Variants in ARL13B observed in about 807,000 individuals in gnomAD.
The protein encoded by ARL13B is ARF like GTPase 13B.
In ARL13B, 36 loss-of-function variants were observed where a neutral mutation model predicts 56.1. That is an observed-to-expected ratio of 0.64 (90% confidence interval 0.49 to 0.85). ARL13B has a LOEUF of 0.85. Ranked by LOEUF, ARL13B falls within the 40% of genes least tolerant of loss-of-function variation. ARL13B has a pLI of 0.00. For synonymous variants in ARL13B, 178 were observed against 171.1 expected (o/e 1.04, Z -0.32); for missense variants, 519 against 507.1 (o/e 1.02, Z -0.23).
rs968723805 is a variant in ARL13B, at chr3:94,055,369, A to C, written c.*2106A>C. The C allele has an allele frequency of 9.1e-6, 4 of 441,698 alleles. No homozygotes were observed. Among genetic ancestry groups the C allele is most frequent in the African/African-American group, 8.1e-5 (4 of 49,618 alleles). The allele number at this position is 441,698 out of a possible 1,614,324, so 27.4% of individuals were successfully genotyped here. A position where few individuals can be genotyped will look rare whatever the true frequency, so the allele number is the denominator to read the frequency against. ...GATTTTAAAATATGATTATTGAAAAACAGTTTAAATCAGTAGATTAAAATA... is the reference window on the plus strand; with the variant it reads ...GATTTTAAAATATGATTATTGAAAACCAGTTTAAATCAGTAGATTAAAATA... On this transcript the variant is annotated 3_prime_UTR_variant, in exon 10 of 10. Coordinates refer to ENST00000394222, the MANE Select transcript of ARL13B (RefSeq NM_001174150.2).
intron 3 of ARL13B, chr3:94,028,530 G>A (rs2076603826): frequency 6.6e-6 from 1 of 152,206 alleles, no homozygotes; most frequent in African/African-American, 2.4e-5. Context: ...TAATTTGAAA[G>A]CCAAATAATG....
chr3:94,027,192 C>A (rs1318650414), intron 3 of ARL13B, among the ~76,000 whole-genome samples: 1 of 151,914 alleles, frequency 6.6e-6, no homozygotes, highest in African/African-American at 2.4e-5. Flanking sequence ...TATATGAAGT[C>A]AACTTGCCAC....
intron 3 of ARL13B, among the ~76,000 whole-genome samples, chr3:94,026,014 A>G (rs1241787133): frequency 6.6e-6 from 1 of 151,276 alleles, no homozygotes; most frequent in Non-Finnish European, 1.5e-5. Flanking sequence ...GGCACCTGAA[A>G]ACTTCTCTTT....
At chr3:94,051,093 G>T (rs1011524248) in intron 9 of ARL13B, among the ~76,000 whole-genome samples, 5 of 151,026 alleles carry the variant, frequency 3.3e-5, no homozygotes, top group Non-Finnish European at 4.4e-5. Flanking sequence ...ATTTAATTTG[G>T]TGTTTACCTT....
rs1301531571 is a variant in ARL13B, at chr3:93,990,028, G to A, written c.60-5846G>A. On this transcript the variant is annotated intron_variant, in intron 1 of 9. Coordinates refer to ENST00000394222, the MANE Select transcript of ARL13B (RefSeq NM_001174150.2). ...TGTTTTGTTTTGTTTTGTTTGAGAC[G>A]AAGTCTCCCTCTGTCGCCCAGGCTG... 9.2e-5 allele frequency among the ~76,000 whole-genome samples: 14 copies of A among 151,676 alleles called. No individual in the cohort carries two copies. In the East Asian group the frequency reaches 1.4e-3, roughly 15 times the overall value.
rs1224464123 is a variant in ARL13B, at chr3:93,995,923, A to T, written c.109A>T (p.Thr37Ser). The T allele has an allele frequency of 2.5e-6, 4 of 1,613,488 alleles. No homozygotes were observed. Residue 37 changes from threonine to serine, a missense_variant, in exon 2 of 10, where the codon ACA becomes TCA. Coordinates refer to ENST00000394222, the MANE Select transcript of ARL13B (RefSeq NM_001174150.2). ...VGLDNAGKTA[T>S]AKGIQGEYPE... is the part of the protein sequence containing the mutation. ...ACTTGATAATGCTGGTAAAACCGCA[A>T]CAGCAAAGGGAATCCAAGGAGGTAA...
chr3:94,027,428 A>T (rs1281161293), intron 3 of ARL13B, among the ~76,000 whole-genome samples: 3 of 152,244 alleles, frequency 2.0e-5, no homozygotes, highest in Admixed American at 2.0e-4. Context: ...TTGTATAACA[A>T]CATTAAGATC....
intron 8 of ARL13B, among the ~76,000 whole-genome samples, chr3:94,049,728 G>T (rs2077040487): frequency 6.6e-6 from 1 of 151,626 alleles, no homozygotes; most frequent in East Asian, 1.9e-4. Context: ...GTTTTATAAA[G>T]AAAAAAATAA....
At chr3:94,042,022 A>C (rs1396289498) in intron 6 of ARL13B, among the ~76,000 whole-genome samples, 1 of 152,164 alleles carries the variant, frequency 6.6e-6, no homozygotes, top group African/African-American at 2.4e-5. Flanking sequence ...GTGCCACTGC[A>C]CTCCAGCCTG....
At chr3:93,981,865 C>CAAAA (rs11396818) in intron 1 of ARL13B, among the ~76,000 whole-genome samples, 24 of 68,384 alleles carry the variant, frequency 3.5e-4, no homozygotes, top group South Asian at 2.1e-3. Context: ...AACCCTGTCT[C>CAAAA]AAAAAAAAAA....
chr3:94,016,485 T>G (rs2076335606), intron 3 of ARL13B, among the ~76,000 whole-genome samples: 1 of 152,146 alleles, frequency 6.6e-6, no homozygotes, highest in Non-Finnish European at 1.5e-5. Context: ...ATTAAAATAG[T>G]GTGGAACTTT....
At chr3:94,029,334 A>ATATTTT (rs2076625062) in intron 3 of ARL13B, among the ~76,000 whole-genome samples, 5 of 53,406 alleles carry the variant, frequency 9.4e-5, no homozygotes, top group African/African-American at 2.8e-4. Context: ...ATATATATAT[A>ATATTTT]TTTATTTTTT....
At chr3:94,025,748 A>G (rs993990780) in intron 3 of ARL13B, among the ~76,000 whole-genome samples, 3 of 152,122 alleles carry the variant, frequency 2.0e-5, no homozygotes, top group Non-Finnish European at 2.9e-5. Flanking sequence ...ATTTTTCTCT[A>G]GTGATTTTTA....
chr3:93,995,024 C>G (rs1257639775), intron 1 of ARL13B, among the ~76,000 whole-genome samples: 1 of 152,114 alleles, frequency 6.6e-6, no homozygotes, highest in Non-Finnish European at 1.5e-5. Flanking sequence ...TATGTATTCC[C>G]AAGGCAGTTT....
At chr3:94,053,027 CGA>C (rs1429752240) in intron 9 of ARL13B, among the ~76,000 whole-genome samples, 158 bp from the exon 10 acceptor site, 3 of 151,956 alleles carry the variant, frequency 2.0e-5, no homozygotes, top group Admixed American at 6.6e-5. Context: ...TTAAAATGCA[CGA>C]GAGAGAAGGA....
chr3:94,036,022 C>A (rs1395022863), intron 4 of ARL13B, among the ~76,000 whole-genome samples: 1 of 152,152 alleles, frequency 6.6e-6, no homozygotes, highest in East Asian at 1.9e-4. Flanking sequence ...GCAGTGAGTT[C>A]TAATTCAGCC....
chr3:94,012,756 C>T (rs2076247153), intron 3 of ARL13B, among the ~76,000 whole-genome samples: 1 of 152,104 alleles, frequency 6.6e-6, no homozygotes, highest in Non-Finnish European at 1.5e-5. Flanking sequence ...ACCTCCTCTT[C>T]CATCCTAGTC....
At chr3:94,010,926 G>GA (rs1404903271) in intron 3 of ARL13B, among the ~76,000 whole-genome samples, 1 of 152,018 alleles carries the variant, frequency 6.6e-6, no homozygotes, top group Non-Finnish European at 1.5e-5. Flanking sequence ...TAAGGCTGTA[G>GA]AAAAAATTTT....
At chr3:93,986,358 G>A (rs1383040022) in intron 1 of ARL13B, among the ~76,000 whole-genome samples, 2 of 152,098 alleles carry the variant, frequency 1.3e-5, no homozygotes. Flanking sequence ...TGGGGTTCTA[G>A]ATCTGAATTG....
Sources: allele counts gnomAD v4.1 joint callset (sites outside exome capture counted in the v4.1 genomes callset), GRCh38; gene constraint gnomAD v4.1.1; transcripts MANE v1.5; gene names NCBI Gene and HGNC (gene_info 2026-07-23, HGNC 2026-07-21).